Variants in LAMC1 observed in about 807,000 individuals in gnomAD.
LAMC1 encodes the protein laminin subunit gamma 1.
LAMC1 carries 38 observed loss-of-function variants against 173.6 expected under a neutral mutation model. That is an observed-to-expected ratio of 0.22 (90% CI 0.17 to 0.29). LAMC1 has a LOEUF of 0.29. Among genes scored for constraint, LAMC1 ranks in the 10% least tolerant of loss-of-function variants. The pLI is 1.00. For missense variants in LAMC1, 1,824 were observed against 2,051.8 expected (o/e 0.89, Z 2.14); for synonymous variants, 746 against 749.1 (o/e 1.00, Z 0.07).
intron 1 of LAMC1, among the ~76,000 whole-genome samples, chr1:183,084,220 G>T (rs979665556): frequency 6.6e-6 from 1 of 152,098 alleles, no homozygotes; most frequent in African/African-American, 2.4e-5. Context: ...CGGGCCGCCC[G>T]TAGTCCCAGC....
chr1:183,096,613 C>G (rs1655700058), intron 1 of LAMC1: 1 of 152,190 alleles, frequency 6.6e-6, no homozygotes, highest in East Asian at 1.9e-4. Context: ...GGGATACTTT[C>G]TCAAATTGTA....
chr1:183,092,504 A>C (rs544032368), intron 1 of LAMC1, among the ~76,000 whole-genome samples: 3 of 151,974 alleles, frequency 2.0e-5, no homozygotes, highest in African/African-American at 7.3e-5. Context: ...AGGCTCAACA[A>C]TTTGCATTTT....
chr1:183,075,855 G>A (rs984320695), intron 1 of LAMC1, among the ~76,000 whole-genome samples: 3 of 152,172 alleles, frequency 2.0e-5, no homozygotes, highest in Non-Finnish European at 4.4e-5. Flanking sequence ...TTCTGGGAGA[G>A]TTTTTAAAAC....
Position 183,114,855 on chromosome 1 carries a change from G to C in LAMC1, c.1210+136G>C. On this transcript the variant is annotated intron_variant, in intron 5 of 27. Transcript: ENST00000258341. Reference sequence around the variant, plus strand: ...TTATTGTAACACAGAAATCAGTCAAGATCTGTCTCTACCCCATGCCTCCAC... The same window carrying C: ...TTATTGTAACACAGAAATCAGTCAACATCTGTCTCTACCCCATGCCTCCAC... 5 of 861,718 alleles carry C rather than the reference G, an allele frequency of 5.8e-6. No individual in the cohort carries two copies. In the South Asian group the frequency reaches 8.8e-5, roughly 15 times the overall value. The allele number at this position is 861,718 out of a possible 1,614,324, so 53.4% of individuals were successfully genotyped here.
At chr1:183,093,529 TTATC>T (rs760934439) in intron 1 of LAMC1, among the ~76,000 whole-genome samples, 1 of 152,182 alleles carries the variant, frequency 6.6e-6, no homozygotes, top group African/African-American at 2.4e-5. Context: ...TGTGTACCTC[TTATC>T]TATCTATGTC....
intron 1 of LAMC1, among the ~76,000 whole-genome samples, chr1:183,102,557 T>G (rs1655862372): frequency 6.6e-6 from 1 of 152,240 alleles, no homozygotes; most frequent in African/African-American, 2.4e-5. Context: ...AACCAAGCCA[T>G]CCTGACCATA....
chr1:183,117,136 G>A (rs1402534761), intron 8 of LAMC1, 184 bp from the exon 9 acceptor site: 2 of 697,832 alleles, frequency 2.9e-6, no homozygotes, highest in Non-Finnish European at 4.6e-6. Context: ...TAGTAATAAA[G>A]TAAAATATAG....
intron 1 of LAMC1, among the ~76,000 whole-genome samples, chr1:183,062,517 T>C (rs1654767396): frequency 6.6e-6 from 1 of 152,114 alleles, no homozygotes; most frequent in African/African-American, 2.4e-5. Flanking sequence ...CTGGGCGTGG[T>C]GGGGCGTGCC....
chr1:183,067,774 G>A (rs905965956), intron 1 of LAMC1, among the ~76,000 whole-genome samples: 1 of 152,142 alleles, frequency 6.6e-6, no homozygotes, highest in African/African-American at 2.4e-5. Flanking sequence ...ACAGATGTGA[G>A]CCACCACGCC....
At position 183,143,290 on chromosome 1, in the gene LAMC1, C is replaced by T. The variant is rs1288649135; in HGVS notation, c.*500C>T. The stretch of plus-strand genomic sequence containing the variant: ...TCTGCATCTCCTACCCCTCTTCCTT[C>T]TAAGCAAAAGGAAATAAACATCCTG... On this transcript the variant is annotated 3_prime_UTR_variant, in exon 28 of 28. Transcript: ENST00000258341. 6.4e-6 allele frequency: 1 copy of T among 156,316 alleles called. No individual in the cohort carries two copies. Among genetic ancestry groups the T allele is most frequent in the Non-Finnish European group, 1.4e-5 (1 of 70,156 alleles). 9.7% of individuals were successfully genotyped at this position (156,316 alleles called of 1,614,324 possible).
At chr1:183,117,032 A>C (rs1656342444) in intron 8 of LAMC1, 129 bp downstream of exon 8, 7 of 983,406 alleles carry the variant, frequency 7.1e-6, no homozygotes, top group Non-Finnish European at 1.0e-5. Context: ...TTTAGCATGC[A>C]TAGTTTTTGT....
At chr1:183,121,640 A>T in intron 11 of LAMC1, 83 bp from the exon 12 acceptor site, 1 of 1,186,176 alleles carries the variant, frequency 8.4e-7, no homozygotes, top group Non-Finnish European at 1.2e-6. Flanking sequence ...TTTGGGGTCT[A>T]GTTACTTTTT....
chr1:183,064,896 G>A (rs1164567637), intron 1 of LAMC1, among the ~76,000 whole-genome samples: 1 of 152,134 alleles, frequency 6.6e-6, no homozygotes, highest in African/African-American at 2.4e-5. Context: ...TTGCTAGGAT[G>A]CCATTCCACT....
In LAMC1 at chr1:183,105,054, CA is replaced by C. The variant is rs71573297; in HGVS notation, c.723+1437del. Among the ~76,000 whole-genome samples the C allele has an allele frequency of 3.3e-3, 411 of 125,436 alleles. 2 individuals are homozygous for C. Among genetic ancestry groups the C allele is most frequent in the Middle Eastern group, 0.032 (8 of 252 alleles). The allele number at this position is 125,436 out of a possible 152,430, so 82.3% of individuals were successfully genotyped here. A position where few individuals can be genotyped will look rare whatever the true frequency, so the allele number is the denominator to read the frequency against. ...TGAAACCCTGTCTCTACTAAAAATA[CA>C]AAAAAAAAAAAAAAGTTAGTTAAGC... On this transcript the variant is annotated intron_variant, in intron 2 of 27. Coordinates refer to ENST00000258341, the MANE Select transcript of LAMC1 (RefSeq NM_002293.4).
intron 1 of LAMC1, among the ~76,000 whole-genome samples, chr1:183,086,382 G>A (rs1351065900): frequency 6.6e-6 from 1 of 152,218 alleles, no homozygotes; most frequent in African/African-American, 2.4e-5. Context: ...ATTTTCAAAG[G>A]TATTCAGACA....
In LAMC1 at chr1:183,128,355, A is replaced by G. The variant is rs147428524; in HGVS notation, c.3124-239A>G. On this transcript the variant is annotated intron_variant, in intron 17 of 27. Coordinates refer to ENST00000258341, the MANE Select transcript of LAMC1 (RefSeq NM_002293.4). ...GTCTTCTCTTCAGAAGTAGACATGCATGGAGTGGATAGAACTACATATTCA... is the reference window on the plus strand; with the variant it reads ...GTCTTCTCTTCAGAAGTAGACATGCGTGGAGTGGATAGAACTACATATTCA... 7.3e-4 allele frequency among the ~76,000 whole-genome samples: 111 copies of G among 152,262 alleles called. 1 individual carries two copies. Among genetic ancestry groups the G allele is most frequent in the Admixed American group, 2.6e-3 (40 of 15,298 alleles).
At chr1:183,084,900 C>T (rs148736858) in intron 1 of LAMC1, among the ~76,000 whole-genome samples, 60 of 152,278 alleles carry the variant, frequency 3.9e-4, no homozygotes, top group African/African-American at 1.4e-3. Context: ...TCCATTGTGT[C>T]AAAACCATCC....
Position 183,145,345 on chromosome 1 carries a change from A to G in LAMC1, c.*2555A>G, listed in dbSNP as rs1657228356. The G allele has an allele frequency of 6.6e-6, 1 of 152,600 alleles. No homozygotes were observed. Among genetic ancestry groups the G allele is most frequent in the Non-Finnish European group, 1.5e-5 (1 of 68,040 alleles). The allele number at this position is 152,600 out of a possible 1,614,324, so 9.5% of individuals were successfully genotyped here. On this transcript the variant is annotated 3_prime_UTR_variant, in exon 28 of 28. Coordinates refer to ENST00000258341, the MANE Select transcript of LAMC1 (RefSeq NM_002293.4). ...AGTTATCTGTATTTTATGTAATGTA[A>G]TTGACAGGATGGCTGCTGCAGAATG...
chr1:183,071,210 G>A (rs1376562149), intron 1 of LAMC1, among the ~76,000 whole-genome samples: 1 of 151,636 alleles, frequency 6.6e-6, no homozygotes, highest in African/African-American at 2.4e-5. Flanking sequence ...GGTGATTGAT[G>A]CAGAAAGGAA....
Sources: gnomAD v4.1 joint callset for allele counts (sites outside exome capture counted in the v4.1 genomes callset) on GRCh38, gnomAD v4.1.1 for gene constraint, MANE v1.5 for transcripts, NCBI Gene and HGNC (gene_info 2026-07-23, HGNC 2026-07-21) for gene names.